SLC24A2: variants seen among roughly 807,000 people sequenced by gnomAD.
SLC24A2 encodes the protein solute carrier family 24 member 2.
In SLC24A2, 36 loss-of-function variants were observed where a neutral mutation model predicts 62.0. That is an observed-to-expected ratio of 0.58 (90% CI 0.44 to 0.77). The LOEUF is 0.77. Among genes scored for constraint, SLC24A2 ranks in the 30% least tolerant of loss-of-function variants. The pLI, the probability that SLC24A2 is intolerant of heterozygous loss-of-function variation, is 0.00. For missense variants in SLC24A2, 846 were observed against 817.9 expected (o/e 1.03, Z -0.42); for synonymous variants, 358 against 294.0 (o/e 1.22, Z -2.23).
chr9:19,608,233 C>A (rs1237040758), intron 4 of SLC24A2, among the ~76,000 whole-genome samples: 1 of 152,082 alleles, frequency 6.6e-6, no homozygotes, highest in Non-Finnish European at 1.5e-5. Context: ...TTGAGAGACA[C>A]CTTCTCCACT....
At chr9:19,771,077 G>A (rs1334866660) in intron 2 of SLC24A2, among the ~76,000 whole-genome samples, 1 of 152,202 alleles carries the variant, frequency 6.6e-6, no homozygotes, top group African/African-American at 2.4e-5. Context: ...GGGCTGCCGA[G>A]AGAAGGAAGC....
the SLC24A2 span, among the ~76,000 whole-genome samples, chr9:19,973,169 T>C: frequency 5.3e-5 from 8 of 152,180 alleles, no homozygotes; most frequent in Non-Finnish European, 1.0e-4. Flanking sequence ...GAGAACCCCA[T>C]TTCTAAAAAC....
At position 19,644,708 on chromosome 9, in the gene SLC24A2, T is replaced by A. The variant is rs544717357; in HGVS notation, c.931-22409A>T. Among the ~76,000 whole-genome samples the A allele has an allele frequency of 2.0e-5, 3 of 151,352 alleles. No homozygotes were observed. The East Asian group carries it at 5.8e-4, about 29-fold the overall frequency. On this transcript the variant is annotated intron_variant, in intron 2 of 10. Coordinates refer to ENST00000341998, the MANE Select transcript of SLC24A2 (RefSeq NM_020344.4). ...TCTCTATATTTTTATGTAAGCAATATGCTTGAAACAACAAGTTCATGTTTT... is the reference window on the plus strand; with the variant it reads ...TCTCTATATTTTTATGTAAGCAATAAGCTTGAAACAACAAGTTCATGTTTT...
chr9:19,594,754 C>T (rs574014446), intron 5 of SLC24A2, among the ~76,000 whole-genome samples: 8 of 152,330 alleles, frequency 5.3e-5, no homozygotes, highest in African/African-American at 1.9e-4. Context: ...AATTGTACAA[C>T]ATGAAAGTGA....
the SLC24A2 span, among the ~76,000 whole-genome samples, chr9:20,166,666 C>A: frequency 4.0e-5 from 6 of 151,824 alleles, no homozygotes; most frequent in Admixed American, 3.9e-4. Flanking sequence ...TGGTTACTTA[C>A]AAAAGGTATG....
the SLC24A2 span, among the ~76,000 whole-genome samples, chr9:20,263,032 G>C: frequency 6.6e-5 from 10 of 152,306 alleles, no homozygotes; most frequent in Admixed American, 5.2e-4. Context: ...TAGATAAATG[G>C]AATAGGTAAA....
chr9:20,285,127 C>G, the SLC24A2 span, among the ~76,000 whole-genome samples: 1 of 152,160 alleles, frequency 6.6e-6, no homozygotes, highest in Non-Finnish European at 1.5e-5. Context: ...GTGAGGAAAC[C>G]TCTTCCCAAG....
At chr9:20,035,802 G>C in the SLC24A2 span, among the ~76,000 whole-genome samples, 1 of 152,090 alleles carries the variant, frequency 6.6e-6, no homozygotes, top group Admixed American at 6.6e-5. Context: ...CTGAACCTTT[G>C]AAAGGTTTAA....
the SLC24A2 span, among the ~76,000 whole-genome samples, chr9:20,251,095 G>A: frequency 1.7e-4 from 26 of 152,312 alleles, no homozygotes; most frequent in African/African-American, 6.3e-4. Flanking sequence ...CAGTGAAAAA[G>A]GAAAAGCACA....
chr9:20,284,732 T>C, the SLC24A2 span, among the ~76,000 whole-genome samples: 1 of 152,130 alleles, frequency 6.6e-6, no homozygotes, highest in Non-Finnish European at 1.5e-5. Flanking sequence ...CACCATTCAA[T>C]CCTGGATTTC....
chr9:19,770,794 T>C (rs1448160357), intron 2 of SLC24A2, among the ~76,000 whole-genome samples: 1 of 152,214 alleles, frequency 6.6e-6, no homozygotes, highest in Non-Finnish European at 1.5e-5. Context: ...CCAGGACTGA[T>C]GAGGTTAAAG....
At chr9:20,168,610 A>G in the SLC24A2 span, among the ~76,000 whole-genome samples, 1 of 152,156 alleles carries the variant, frequency 6.6e-6, no homozygotes, top group African/African-American at 2.4e-5. Flanking sequence ...GATGCTTCAT[A>G]TCATTCGTTA....
chr9:19,531,822 G>C (rs1008217350), intron 8 of SLC24A2, among the ~76,000 whole-genome samples: 6 of 150,766 alleles, frequency 4.0e-5, no homozygotes, highest in Admixed American at 2.7e-4. Flanking sequence ...ATCTCTTTAA[G>C]CTTAGGTTTC....
At chr9:19,799,335 A>G in the SLC24A2 span, among the ~76,000 whole-genome samples, 1 of 152,104 alleles carries the variant, frequency 6.6e-6, no homozygotes, top group Non-Finnish European at 1.5e-5. Context: ...TGTTTCCTAA[A>G]GTAATTCTTC....
chr9:19,543,238 G>T (rs1474356130), intron 8 of SLC24A2, among the ~76,000 whole-genome samples: 3 of 152,188 alleles, frequency 2.0e-5, no homozygotes, highest in African/African-American at 7.2e-5. Flanking sequence ...AGTATTCTCT[G>T]ATGGTAGTTT....
chr9:20,133,265 A>G, the SLC24A2 span, among the ~76,000 whole-genome samples: 1 of 151,938 alleles, frequency 6.6e-6, no homozygotes, highest in Non-Finnish European at 1.5e-5. Context: ...CACATCTCCT[A>G]CTGGATCTGC....
At chr9:19,580,473 A>T (rs1349367548) in intron 5 of SLC24A2, among the ~76,000 whole-genome samples, 1 of 152,216 alleles carries the variant, frequency 6.6e-6, no homozygotes, top group Non-Finnish European at 1.5e-5. Flanking sequence ...TGCTGTGAGG[A>T]TGAGGCTAAC....
chr9:19,937,556 T>C, the SLC24A2 span, among the ~76,000 whole-genome samples: 2 of 152,228 alleles, frequency 1.3e-5, no homozygotes, highest in Admixed American at 1.3e-4. Flanking sequence ...AGAATTTCTC[T>C]CAACTGAGCT....
intron 2 of SLC24A2, among the ~76,000 whole-genome samples, chr9:19,728,236 T>G (rs775868362): frequency 1.3e-5 from 2 of 151,948 alleles, no homozygotes; most frequent in Non-Finnish European, 2.9e-5. Context: ...TTTAAGGTTT[T>G]CAGAAAGGCA....
Sources: allele counts gnomAD v4.1 joint callset (sites outside exome capture counted in the v4.1 genomes callset), GRCh38; gene constraint gnomAD v4.1.1; transcripts MANE v1.5; gene names NCBI Gene and HGNC (gene_info 2026-07-23, HGNC 2026-07-21).